Variants in GRID2IP observed in about 807,000 individuals in gnomAD.
GRID2IP encodes delphilin.
In GRID2IP, 78 loss-of-function variants were observed where a neutral mutation model predicts 114.3. The observed-to-expected ratio is 0.68, with a 90% CI of 0.57 to 0.82. The LOEUF (loss-of-function observed/expected upper bound fraction) is 0.82. Among genes scored for constraint, GRID2IP ranks in the 40% least tolerant of loss-of-function variants. The pLI is 0.00. For synonymous variants in GRID2IP, 809 were observed against 724.0 expected (o/e 1.12, Z -1.89); for missense variants, 1,727 against 1,678.5 (o/e 1.03, Z -0.51).
rs1457267427 is a variant in GRID2IP at position 6,503,653 on chromosome 7, C to T, written c.2745G>A (p.Ala915=). Reference sequence around the variant, plus strand: ...TGCTCATCAGCACCTGGCGCAGCTCCGCGGGGCTCAGCTTCAGGTGTGCCA... The same window carrying T: ...TGCTCATCAGCACCTGGCGCAGCTCTGCGGGGCTCAGCTTCAGGTGTGCCA... ...ILLAHLKLSP[A]ELRQVLMSME... is the part of the protein sequence containing the mutation. Residue 915 remains alanine (A), a synonymous_variant, in exon 16 of 22, where the codon GCG becomes GCA. Transcript: ENST00000457091. 6.6e-7 allele frequency: 1 copy of T among 1,515,524 alleles called. No homozygotes were observed. The highest frequency in any genetic ancestry group is 2.0e-5 in the Admixed American group (1 of 48,892). The allele number at this position is 1,515,524 out of a possible 1,614,324, so 93.9% of individuals were successfully genotyped here.
In GRID2IP at chr7:6,526,355, T is replaced by C. The variant is rs1274880975; in HGVS notation, c.834-46A>G. The C allele has an allele frequency of 2.6e-6, 4 of 1,529,192 alleles. No individual in the cohort carries two copies. The highest frequency in any genetic ancestry group is 3.5e-6 in the Non-Finnish European group (4 of 1,127,752). 94.7% of individuals were successfully genotyped at this position (1,529,192 alleles called of 1,614,324 possible). A position where few individuals can be genotyped will look rare whatever the true frequency, so the allele number is the denominator to read the frequency against. ...GAGCAGCATGATGGAGAGGGGGCCC[T>C]GGGGCGCAGAGGTTGGAGATGTCCC... On this transcript the variant is annotated intron_variant, in intron 3 of 21. Coordinates refer to ENST00000457091, the MANE Select transcript of GRID2IP (RefSeq NM_001145118.2). This position sits in a 1 kb window ranked among gnomAD's most constrained non-coding sequence, Gnocchi z 7.6.
In GRID2IP at chr7:6,507,907, C is replaced by G. The variant is rs1036696327; in HGVS notation, c.2544+78G>C. ...AGGATGATGTTGGAAGATGCCTGGC[C>G]GATGGGTTTTCCTTCAGTGCTGCTG... On this transcript the variant is annotated intron_variant, in intron 13 of 21. Transcript: ENST00000457091. This position sits in a 1 kb window ranked among gnomAD's most constrained non-coding sequence, Gnocchi z 5.3. The G allele has an allele frequency of 1.3e-6, 2 of 1,517,844 alleles. No individual in the cohort carries two copies. Among genetic ancestry groups the G allele is most frequent in the Non-Finnish European group, 1.8e-6 (2 of 1,131,348 alleles). 94.0% of individuals were successfully genotyped at this position (1,517,844 alleles called of 1,614,324 possible).
In GRID2IP at chr7:6,526,010, G is replaced by A. The variant is rs1245780684; in HGVS notation, c.919+214C>T. On this transcript the variant is annotated intron_variant, in intron 4 of 21. Transcript: ENST00000457091. The surrounding 1 kb of genome is among the most constrained non-coding windows in gnomAD (Gnocchi z 7.6). The stretch of plus-strand genomic sequence containing the variant: ...TGGGGTGCCCCAACTCAGGCAGAAG[G>A]CTCTGGCCTCAAGCATCTTAGGTAG... 1.3e-5 allele frequency among the ~76,000 whole-genome samples: 2 copies of A among 152,184 alleles called. No homozygotes were observed. The highest frequency in any genetic ancestry group is 4.8e-5 in the African/African-American group (2 of 41,454).
chr7:6,531,207 C>A, intron 2 of GRID2IP: 1 of 446,600 alleles, frequency 2.2e-6, no homozygotes, highest in Non-Finnish European at 4.0e-6. Flanking sequence ...GCCCTGCGAG[C>A]GCGCGCGGCC....
chr7:6,551,033 C>T lies in GRID2IP; in HGVS notation c.404G>A (p.Arg135His), dbSNP rs1251919996. The change falls in exon 1 of 22, where the codon CGC becomes CAC. Residue 135 changes from arginine to histidine, a missense_variant. By Grantham distance (29) the Arg-to-His change is conservative (BLOSUM62 0). Transcript: ENST00000457091. Reference sequence around the variant, plus strand: ...CTTGCGGCTGAACTCTTGGGCCTTGCGCCTGCGCTCTCGGTGCACCGCGTC... The same window carrying T: ...CTTGCGGCTGAACTCTTGGGCCTTGTGCCTGCGCTCTCGGTGCACCGCGTC... ...RPDAVHRERR[R>H]KAQEFSRKVD... The T allele has an allele frequency of 8.0e-6, 10 of 1,247,816 alleles. No homozygotes were observed. Among genetic ancestry groups the T allele is most frequent in the Non-Finnish European group, 9.0e-6 (9 of 997,518 alleles). 77.3% of individuals were successfully genotyped at this position (1,247,816 alleles called of 1,614,324 possible). A position where few individuals can be genotyped will look rare whatever the true frequency, so the allele number is the denominator to read the frequency against.
At chr7:6,529,515 G>A (rs1353367012) in intron 2 of GRID2IP, among the ~76,000 whole-genome samples, 1 of 152,242 alleles carries the variant, frequency 6.6e-6, no homozygotes, top group Non-Finnish European at 1.5e-5. Flanking sequence ...ACAGATGGAA[G>A]AAGGTTGGGC....
chr7:6,526,466 C>T lies in GRID2IP; in HGVS notation c.833+55G>A. 7.1e-7 allele frequency: 1 copy of T among 1,417,096 alleles called. No homozygotes were observed. The highest frequency in any genetic ancestry group is 9.2e-7 in the Non-Finnish European group (1 of 1,084,830). The allele number at this position is 1,417,096 out of a possible 1,614,324, so 87.8% of individuals were successfully genotyped here. ...CTACGCCCTCTCCCCGGGTCTCGGTCCCGAGCCCACCCGCAGGGAGGCGCC... is the reference window on the plus strand; with the variant it reads ...CTACGCCCTCTCCCCGGGTCTCGGTTCCGAGCCCACCCGCAGGGAGGCGCC... On this transcript the variant is annotated intron_variant, in intron 3 of 21. Transcript: ENST00000457091. The surrounding 1 kb of genome is among the most constrained non-coding windows in gnomAD (Gnocchi z 7.6).
intron 2 of GRID2IP, chr7:6,530,946 C>T: frequency 1.9e-6 from 1 of 522,296 alleles, no homozygotes; most frequent in Non-Finnish European, 3.4e-6. Context: ...GGAGGGTGCC[C>T]ACCCAGGGCA....
chr7:6,501,410 T>C (rs1786412181), intron 20 of GRID2IP, among the ~76,000 whole-genome samples: 1 of 152,116 alleles, frequency 6.6e-6, no homozygotes, highest in African/African-American at 2.4e-5. Context: ...AAATTTATAA[T>C]CCAGGATGGG....
chr7:6,503,104 G>C lies in GRID2IP; in HGVS notation c.2967C>G (p.Leu989=). The change falls in exon 17 of 22, where the codon CTC becomes CTG. Residue 989 remains leucine (L), a synonymous_variant. Transcript: ENST00000457091. ...CTCGGATCTCCTCTGTCTTCTCCTG[G>C]AGGGTGGCCTGGAAGTGGAGGCTGC... ...RLRSLHFQAT[L]QEKTEEIRGS... is the part of the protein sequence containing the mutation. The C allele has an allele frequency of 6.4e-7, 1 of 1,550,826 alleles. No homozygotes were observed. Among genetic ancestry groups the C allele is most frequent in the Non-Finnish European group, 8.7e-7 (1 of 1,146,612 alleles).
chr7:6,524,407 A>G (rs1487991853), intron 4 of GRID2IP, among the ~76,000 whole-genome samples: 1 of 152,200 alleles, frequency 6.6e-6, no homozygotes, highest in Non-Finnish European at 1.5e-5. Context: ...AGTTCTGAGC[A>G]GATGGTTACA....
At chr7:6,497,868 T>C (rs1039704898) in intron 21 of GRID2IP, 23 bp from the exon 22 acceptor site, 1 of 1,542,634 alleles carries the variant, frequency 6.5e-7, no homozygotes, top group Non-Finnish European at 8.8e-7. Context: ...AACACAGAGG[T>C]AGGGTGGTCA....
intron 1 of GRID2IP, among the ~76,000 whole-genome samples, chr7:6,540,997 T>C (rs1438212777): frequency 1.3e-5 from 2 of 152,088 alleles, no homozygotes; most frequent in Non-Finnish European, 2.9e-5. Flanking sequence ...CCTACATGCT[T>C]GGCTAATCTG....
chr7:6,502,699 T>G, intron 18 of GRID2IP, 87 bp downstream of exon 18: 1 of 878,128 alleles, frequency 1.1e-6, no homozygotes, highest in Non-Finnish European at 1.8e-6. Flanking sequence ...TGTCCTCTTC[T>G]GCCCTCTGCC....
At chr7:6,547,135 A>G (rs1241839590) in intron 1 of GRID2IP, among the ~76,000 whole-genome samples, 1 of 152,148 alleles carries the variant, frequency 6.6e-6, no homozygotes, top group Non-Finnish European at 1.5e-5. Context: ...GAGATGGAGG[A>G]GTCTGAAATG....
intron 1 of GRID2IP, among the ~76,000 whole-genome samples, chr7:6,548,376 G>A (rs1254816389): frequency 3.3e-5 from 5 of 151,982 alleles, no homozygotes; most frequent in Non-Finnish European, 7.4e-5. Flanking sequence ...AAACTTAAAC[G>A]GTGTAGATGG....
chr7:6,526,792 C>A lies in GRID2IP; in HGVS notation c.585-23G>T. On this transcript the variant is annotated intron_variant, in intron 2 of 21. Transcript: ENST00000457091. The surrounding 1 kb of genome is among the most constrained non-coding windows in gnomAD (Gnocchi z 7.6). ...ATCCTGCCGGCGAGGACGGCGGAGTCGGGGCGCGTTCCCGGACCCCGGATC... is the reference window on the plus strand; with the variant it reads ...ATCCTGCCGGCGAGGACGGCGGAGTAGGGGCGCGTTCCCGGACCCCGGATC... The A allele has an allele frequency of 6.7e-7, 1 of 1,489,468 alleles. No homozygotes were observed. Among genetic ancestry groups the A allele is most frequent in the South Asian group, 1.2e-5 (1 of 80,252 alleles). 92.3% of individuals were successfully genotyped at this position (1,489,468 alleles called of 1,614,324 possible).
chr7:6,543,175 A>C (rs2115099875), intron 1 of GRID2IP, among the ~76,000 whole-genome samples: 1 of 152,272 alleles, frequency 6.6e-6, no homozygotes, highest in Non-Finnish European at 1.5e-5. Flanking sequence ...TGGGTGGATC[A>C]TCTGAAGTTA....
intron 16 of GRID2IP, 117 bp downstream of exon 16, chr7:6,503,371 CTCA>C (rs771259282): frequency 9.6e-5 from 107 of 1,110,866 alleles, no homozygotes; most frequent in Middle Eastern, 3.1e-4. Context: ...TAAACTGGGA[CTCA>C]GAGGCTTGGG....
Sources: allele counts gnomAD v4.1 joint callset (sites outside exome capture counted in the v4.1 genomes callset), GRCh38; gene constraint gnomAD v4.1.1; non-coding constraint Gnocchi (gnomAD v3.1); transcripts MANE v1.5; gene names NCBI Gene and HGNC (gene_info 2026-07-23, HGNC 2026-07-21).